Variants in NCKAP5 observed in about 807,000 individuals in gnomAD.
The protein encoded by NCKAP5 is NCK associated protein 5.
In NCKAP5, 92 loss-of-function variants were observed where a neutral mutation model predicts 167.0. That is an observed-to-expected ratio of 0.55 (90% CI 0.47 to 0.66). NCKAP5 has a LOEUF of 0.66. Among genes scored for constraint, NCKAP5 ranks in the 30% least tolerant of loss-of-function variants. NCKAP5 has a pLI of 0.00. For synonymous variants in NCKAP5, 891 were observed against 877.4 expected (o/e 1.02, Z -0.27); for missense variants, 2,378 against 2,315.0 (o/e 1.03, Z -0.56).
intron 16 of NCKAP5, among the ~76,000 whole-genome samples, chr2:132,732,376 T>C (rs1691114073): frequency 6.6e-6 from 1 of 152,112 alleles, no homozygotes; most frequent in South Asian, 2.1e-4. Flanking sequence ...ATGGCACATG[T>C]ATACATATGT....
At chr2:132,950,335 T>C (rs544936520) in intron 8 of NCKAP5, among the ~76,000 whole-genome samples, 1 of 152,308 alleles carries the variant, frequency 6.6e-6, no homozygotes, top group East Asian at 1.9e-4. Context: ...GGTTTCAATA[T>C]TACATAAATG....
At chr2:133,462,508 C>A (rs563270230) in intron 3 of NCKAP5, among the ~76,000 whole-genome samples, 1 of 152,156 alleles carries the variant, frequency 6.6e-6, no homozygotes, top group African/African-American at 2.4e-5. Flanking sequence ...AATCTCTGGT[C>A]CAAGATAGCA....
intron 3 of NCKAP5, among the ~76,000 whole-genome samples, chr2:133,397,255 T>C (rs373472538): frequency 2.0e-4 from 30 of 152,348 alleles, no homozygotes; most frequent in African/African-American, 7.2e-4. Context: ...CACCCAACTC[T>C]ATAGAAACCA....
At chr2:133,131,741 T>C (rs1398020057) in intron 5 of NCKAP5, among the ~76,000 whole-genome samples, 3 of 152,048 alleles carry the variant, frequency 2.0e-5, no homozygotes, top group Admixed American at 1.3e-4. Context: ...GAAAGAAAAA[T>C]GTGGTTGTGG....
chr2:132,698,998 A>G (rs1263187941), intron 19 of NCKAP5, among the ~76,000 whole-genome samples: 1 of 152,216 alleles, frequency 6.6e-6, no homozygotes, highest in Non-Finnish European at 1.5e-5. Context: ...TTCTGTAAAG[A>G]TTTACCACAA....
the NCKAP5 span, among the ~76,000 whole-genome samples, chr2:133,610,522 G>C: frequency 3.9e-5 from 6 of 152,162 alleles, no homozygotes; most frequent in Non-Finnish European, 8.8e-5. Context: ...AGTAGCCTAA[G>C]AAGGGGTGTT....
chr2:133,564,865 T>C (rs1408372700), intron 1 of NCKAP5, among the ~76,000 whole-genome samples: 3 of 152,154 alleles, frequency 2.0e-5, no homozygotes, highest in Non-Finnish European at 4.4e-5. Context: ...GTGAGCAGTA[T>C]TCATCCGTCT....
chr2:132,824,145 A>G (rs1686960653), intron 11 of NCKAP5, among the ~76,000 whole-genome samples: 1 of 151,932 alleles, frequency 6.6e-6, no homozygotes, highest in Non-Finnish European at 1.5e-5. Flanking sequence ...CAAACAAACA[A>G]AAAACAGAAA....
intron 5 of NCKAP5, among the ~76,000 whole-genome samples, chr2:133,177,689 G>A (rs1223904656): frequency 6.6e-6 from 1 of 152,114 alleles, no homozygotes; most frequent in African/African-American, 2.4e-5. Flanking sequence ...GCTATCATGA[G>A]GCACCCCAAC....
intron 2 of NCKAP5, among the ~76,000 whole-genome samples, chr2:133,538,933 T>TG (rs1685984163): frequency 2.0e-5 from 1 of 48,830 alleles, no homozygotes; most frequent in African/African-American, 6.5e-5. Context: ...TTTTTTGGGT[T>TG]TTTTTTTTTT....
the NCKAP5 span, among the ~76,000 whole-genome samples, chr2:133,589,533 G>A: frequency 1.3e-4 from 20 of 152,302 alleles, no homozygotes; most frequent in African/African-American, 4.8e-4. Context: ...CAGGATGGAG[G>A]TATAGATCTG....
At chr2:133,006,118 G>T (rs191562620) in intron 6 of NCKAP5, among the ~76,000 whole-genome samples, 2 of 152,012 alleles carry the variant, frequency 1.3e-5, no homozygotes, top group Admixed American at 6.6e-5. Context: ...AATTATCTGG[G>T]TGTGGTGGCA....
intron 16 of NCKAP5, among the ~76,000 whole-genome samples, chr2:132,741,781 CT>C (rs946735633): frequency 1.3e-5 from 2 of 152,120 alleles, no homozygotes; most frequent in African/African-American, 4.8e-5. Context: ...GAAATGCCAA[CT>C]TATCTATCCA....
intron 3 of NCKAP5, among the ~76,000 whole-genome samples, chr2:133,436,047 C>T (rs1417536381): frequency 4.6e-5 from 7 of 152,210 alleles, no homozygotes; most frequent in Admixed American, 4.6e-4. Flanking sequence ...CTTGACAGCT[C>T]ATGCCCCTCC....
At chr2:133,544,061 A>C (rs1210606998) in intron 2 of NCKAP5, among the ~76,000 whole-genome samples, 1 of 152,256 alleles carries the variant, frequency 6.6e-6, no homozygotes, top group Non-Finnish European at 1.5e-5. Flanking sequence ...ATGACTACTT[A>C]GAAATAGCTG....
chr2:133,463,408 G>A (rs1435559), intron 3 of NCKAP5, among the ~76,000 whole-genome samples: 79,694 of 152,036 alleles, frequency 0.52, 22,179 homozygotes, highest in East Asian at 0.72. Context: ...AACTATATTT[G>A]TAAATCCACT....
chr2:133,600,032 A>G, the NCKAP5 span, among the ~76,000 whole-genome samples: 4 of 152,240 alleles, frequency 2.6e-5, no homozygotes, highest in African/African-American at 4.8e-5. Flanking sequence ...CTGAAATTCA[A>G]TGTCGCCAGG....
intron 19 of NCKAP5, among the ~76,000 whole-genome samples, chr2:132,725,399 A>G (rs1186954929): frequency 6.6e-6 from 1 of 152,264 alleles, no homozygotes; most frequent in African/African-American, 2.4e-5. Flanking sequence ...TGCTGGATTC[A>G]GAAATAAAAT....
chr2:133,364,745 T>C (rs1685342684), intron 3 of NCKAP5, among the ~76,000 whole-genome samples: 1 of 151,490 alleles, frequency 6.6e-6, no homozygotes, highest in African/African-American at 2.4e-5. Context: ...CGTGAGGTCA[T>C]TGTGTCTTTT....
Sources: allele counts gnomAD v4.1 joint callset (sites outside exome capture counted in the v4.1 genomes callset), GRCh38; gene constraint gnomAD v4.1.1; transcripts MANE v1.5; gene names NCBI Gene and HGNC (gene_info 2026-07-23, HGNC 2026-07-21).